The following C8orf34 variants were observed in gnomAD, a reference collection of about 807,000 sequenced individuals.
C8orf34 encodes the protein uncharacterized protein C8orf34.
In C8orf34, 65 loss-of-function variants were observed where a neutral mutation model predicts 68.3. The observed-to-expected ratio is 0.95, with a 90% CI of 0.78 to 1.17. The LOEUF is 1.17. C8orf34 is among the 50% of genes most tolerant of loss of function. The pLI is 0.00. For missense variants in C8orf34, 664 were observed against 655.4 expected, an observed-to-expected ratio of 1.01 and a Z score of -0.14; for synonymous variants, 244 against 241.2, an observed-to-expected ratio of 1.01 and a Z score of -0.11.
chr8:68,548,433 T>A (rs1159240266), intron 7 of C8orf34, among the ~76,000 whole-genome samples: 2 of 151,798 alleles, frequency 1.3e-5, no homozygotes, highest in Admixed American at 6.6e-5. Context: ...TTGAAGAATG[T>A]TTAACATAAT....
intron 3 of C8orf34, among the ~76,000 whole-genome samples, chr8:68,462,457 G>A (rs1267451023): frequency 6.6e-6 from 1 of 151,622 alleles, no homozygotes; most frequent in Admixed American, 6.6e-5. Context: ...GACATCTACA[G>A]AACTCTCCAC....
At chr8:68,346,623 T>G (rs191961674) in intron 1 of C8orf34, among the ~76,000 whole-genome samples, 1 of 152,244 alleles carries the variant, frequency 6.6e-6, no homozygotes, top group East Asian at 1.9e-4. Flanking sequence ...CCATAAATCC[T>G]GGCAACCTCT....
chr8:68,738,365 C>A (rs1323969905), intron 10 of C8orf34, among the ~76,000 whole-genome samples: 1 of 151,986 alleles, frequency 6.6e-6, no homozygotes, highest in Non-Finnish European at 1.5e-5. Flanking sequence ...CTCAATTTAG[C>A]AATCTAACCT....
At chr8:68,349,728 A>G (rs1040151837) in intron 1 of C8orf34, among the ~76,000 whole-genome samples, 1 of 151,836 alleles carries the variant, frequency 6.6e-6, no homozygotes, top group East Asian at 1.9e-4. Context: ...CCAGAAATTT[A>G]TCTATCTCTT....
chr8:68,727,528 G>A (rs7816993), intron 10 of C8orf34, among the ~76,000 whole-genome samples: 1 of 152,194 alleles, frequency 6.6e-6, no homozygotes, highest in Non-Finnish European at 1.5e-5. Flanking sequence ...CTCTGTGTGG[G>A]GGCTCCACCC....
intron 6 of C8orf34, among the ~76,000 whole-genome samples, chr8:68,523,110 TAGTTGAAGTGTCCTGTGTG>T (rs1814829013): frequency 1.3e-5 from 2 of 152,220 alleles, no homozygotes; most frequent in Non-Finnish European, 2.9e-5. Flanking sequence ...ATTATTTAAA[TAGTTGAAGTGTCCTGTGTG>T]AGGAGAGGAA....
At chr8:68,635,546 A>C (rs1310501933) in intron 7 of C8orf34, among the ~76,000 whole-genome samples, 1 of 152,222 alleles carries the variant, frequency 6.6e-6, no homozygotes, top group East Asian at 1.9e-4. Context: ...TTACATAATC[A>C]ACATATTCTT....
At position 68,784,111 on chromosome 8, in the gene C8orf34, C is replaced by T. The variant is rs111361843; in HGVS notation, c.1456-3332C>T. The stretch of plus-strand genomic sequence containing the variant: ...TCCCTGTCATTTTCTCTTCCATGAT[C>T]GCATCCAGGATCCACATTACATTTA... On this transcript the variant is annotated intron_variant, in intron 11 of 13. Transcript: ENST00000518698. Among the ~76,000 whole-genome samples, 608 of 152,216 alleles carry T rather than the reference C, an allele frequency of 4.0e-3. 6 individuals are homozygous for T. The highest frequency in any genetic ancestry group is 0.013 in the African/African-American group (527 of 41,532).
chr8:68,619,943 A>G (rs1338164136), intron 7 of C8orf34, among the ~76,000 whole-genome samples: 1 of 152,216 alleles, frequency 6.6e-6, no homozygotes, highest in African/African-American at 2.4e-5. Flanking sequence ...TCAGAATAGA[A>G]AACCTGGGTG....
chr8:68,724,205 C>G (rs987098807), intron 10 of C8orf34, among the ~76,000 whole-genome samples: 1 of 151,964 alleles, frequency 6.6e-6, no homozygotes, highest in African/African-American at 2.4e-5. Context: ...TGTAGTATTT[C>G]TTGGGATAGT....
chr8:68,597,962 A>T (rs7819024), intron 7 of C8orf34, among the ~76,000 whole-genome samples: 88,552 of 151,958 alleles, frequency 0.58, 25,991 homozygotes, highest in African/African-American at 0.61. Flanking sequence ...CTTGTTTTTG[A>T]TACTACATTC....
chr8:68,598,322 A>G lies in C8orf34; in HGVS notation c.1106-42054A>G, dbSNP rs528724451. Among the ~76,000 whole-genome samples the G allele has an allele frequency of 2.7e-4, 41 of 152,288 alleles. No homozygotes were observed. The East Asian group carries it at 7.7e-3, about 29-fold the overall frequency. ...AATGTCTAAAGGAACTGTGAGATAT[A>G]CGATATTCTAGACATAACATTTGAG... On this transcript the variant is annotated intron_variant, in intron 7 of 13. Coordinates refer to ENST00000518698, the MANE Select transcript of C8orf34 (RefSeq NM_052958.4).
intron 1 of C8orf34, among the ~76,000 whole-genome samples, chr8:68,421,724 G>A (rs1190766089): frequency 1.2e-4 from 18 of 152,196 alleles, no homozygotes. Flanking sequence ...TCTGTCTGCA[G>A]TGGCAACAGA....
intron 1 of C8orf34, among the ~76,000 whole-genome samples, chr8:68,335,038 A>G (rs759777587): frequency 2.1e-4 from 32 of 152,310 alleles, no homozygotes; most frequent in Admixed American, 9.2e-4. Flanking sequence ...TGCGTTTATC[A>G]GAGAGCTGTA....
intron 10 of C8orf34, among the ~76,000 whole-genome samples, chr8:68,775,477 T>G (rs1433481079): frequency 7.4e-6 from 1 of 135,114 alleles, no homozygotes; most frequent in Non-Finnish European, 1.6e-5. Flanking sequence ...AATTTGATTT[T>G]ATAAATTTCA....
At chr8:68,419,024 T>C (rs1586097230) in intron 1 of C8orf34, among the ~76,000 whole-genome samples, 1 of 149,674 alleles carries the variant, frequency 6.7e-6, no homozygotes, top group Non-Finnish European at 1.5e-5. Context: ...CAAAAGAAAC[T>C]ACCATCAGAG....
intron 7 of C8orf34, among the ~76,000 whole-genome samples, chr8:68,538,138 T>C (rs1224010817): frequency 3.9e-5 from 6 of 152,234 alleles, no homozygotes; most frequent in Non-Finnish European, 5.9e-5. Flanking sequence ...AAAACCTATT[T>C]ATCACTTTGA....
chr8:68,624,301 G>A (rs905845942), intron 7 of C8orf34, among the ~76,000 whole-genome samples: 1 of 151,360 alleles, frequency 6.6e-6, no homozygotes, highest in Admixed American at 6.6e-5. Flanking sequence ...TGAAATTGGA[G>A]AGTAGTTTCT....
In C8orf34 at chr8:68,603,316, C is replaced by T. The variant is rs919027078; in HGVS notation, c.1106-37060C>T. ...TATACTTACCCTATCACCCTGACAA[C>T]TAAACTTGCACTTGGCAAGGCTATT... On this transcript the variant is annotated intron_variant, in intron 7 of 13. Transcript: ENST00000518698. Among the ~76,000 whole-genome samples the T allele has an allele frequency of 7.2e-5, 11 of 152,206 alleles. No individual in the cohort carries two copies. In the South Asian group the frequency reaches 1.9e-3, roughly 26 times the overall value.
Sources: allele counts gnomAD v4.1 joint callset (sites outside exome capture counted in the v4.1 genomes callset), GRCh38; gene constraint gnomAD v4.1.1; transcripts MANE v1.5; gene names NCBI Gene and HGNC (gene_info 2026-07-23, HGNC 2026-07-21).